The following MLLT3 variants were observed in gnomAD, a reference collection of about 807,000 sequenced individuals.
MLLT3 encodes the protein MLLT3 super elongation complex subunit.
In MLLT3, 4 loss-of-function variants were observed where a neutral mutation model predicts 53.2. The ratio of observed to expected loss-of-function variants is 0.08; its 90% CI spans 0.04 to 0.17. MLLT3 has a LOEUF of 0.17. MLLT3 is among the 10% of genes least tolerant of loss of function. The pLI, the probability that MLLT3 is intolerant of heterozygous loss-of-function variation, is 1.00. For synonymous variants in MLLT3, 283 were observed against 230.6 expected (o/e 1.23, Z -2.06); for missense variants, 569 against 684.0 (o/e 0.83, Z 1.87).
At chr9:20,382,870 G>A (rs1171254098) in intron 5 of MLLT3, among the ~76,000 whole-genome samples, 1 of 151,006 alleles carries the variant, frequency 6.6e-6, no homozygotes. Flanking sequence ...ACTATGTAAA[G>A]ATTGCAGGAT....
At chr9:20,431,147 A>C (rs1209969809) in intron 4 of MLLT3, among the ~76,000 whole-genome samples, 1 of 152,178 alleles carries the variant, frequency 6.6e-6, no homozygotes, top group Admixed American at 6.5e-5. Context: ...AAATAAACCA[A>C]GGCTAAATAG....
intron 2 of MLLT3, among the ~76,000 whole-genome samples, chr9:20,509,867 T>C (rs1825483139): frequency 3.0e-5 from 4 of 131,952 alleles, no homozygotes; most frequent in Non-Finnish European, 6.5e-5. Context: ...CAGGGTACAA[T>C]TATTATTTTT....
chr9:20,443,094 A>AAAGG (rs929583953), intron 4 of MLLT3, among the ~76,000 whole-genome samples: 2 of 151,946 alleles, frequency 1.3e-5, no homozygotes, highest in African/African-American at 2.4e-5. Context: ...TTAATTGAGG[A>AAAGG]AAGGAAGGAA....
rs187458206 is a variant in MLLT3, at chr9:20,385,286, T to C, written c.1126-19542A>G. Among the ~76,000 whole-genome samples, 148 of 152,154 alleles carry C rather than the reference T, an allele frequency of 9.7e-4. 1 individual carries two copies. Among genetic ancestry groups the C allele is most frequent in the Admixed American group, 2.4e-3 (37 of 15,272 alleles). ...AAACTTTGTGTGACAGTAGTATTAT[T>C]TGAAAGAGAAGGGGCTACGGAAAGA... is the stretch of plus-strand genomic sequence containing the variant. On this transcript the variant is annotated intron_variant, in intron 5 of 10. Coordinates refer to ENST00000380338, the MANE Select transcript of MLLT3 (RefSeq NM_004529.4).
intron 2 of MLLT3, among the ~76,000 whole-genome samples, chr9:20,547,401 TG>T (rs1185945770): frequency 1.3e-5 from 2 of 151,894 alleles, no homozygotes; most frequent in Non-Finnish European, 2.9e-5. Context: ...CCCAGCACTC[TG>T]GGAGGCCGAG....
intron 2 of MLLT3, among the ~76,000 whole-genome samples, chr9:20,537,572 C>G (rs1818520021): frequency 6.6e-6 from 1 of 152,236 alleles, no homozygotes; most frequent in South Asian, 2.1e-4. Context: ...GGAGTCCTGC[C>G]AATTCACATG....
At chr9:20,423,197 T>C (rs1823056873) in intron 4 of MLLT3, among the ~76,000 whole-genome samples, 1 of 152,080 alleles carries the variant, frequency 6.6e-6, no homozygotes, top group African/African-American at 2.4e-5. Context: ...CCACTATATT[T>C]TTATAGTCTT....
chr9:20,375,597 TTTTTTTTCTTTTC>T (rs763502169), intron 5 of MLLT3, among the ~76,000 whole-genome samples: 9,320 of 139,732 alleles, frequency 0.067, 743 homozygotes, highest in African/African-American at 0.23. Context: ...AGTAATTTTT[TTTTTTTTCTTTTC>T]TTTTTTTTTT....
At chr9:20,537,176 C>G (rs1317834353) in intron 2 of MLLT3, among the ~76,000 whole-genome samples, 1 of 152,030 alleles carries the variant, frequency 6.6e-6, no homozygotes, top group Non-Finnish European at 1.5e-5. Flanking sequence ...ATTATACATT[C>G]TGAAATAGGT....
At chr9:20,527,658 T>G (rs1205695396) in intron 2 of MLLT3, among the ~76,000 whole-genome samples, 1 of 152,202 alleles carries the variant, frequency 6.6e-6, no homozygotes, top group Non-Finnish European at 1.5e-5. Context: ...TGGTAGCTCC[T>G]GGGAACTGAA....
At chr9:20,379,864 A>G (rs527383495) in intron 5 of MLLT3, among the ~76,000 whole-genome samples, 1 of 152,178 alleles carries the variant, frequency 6.6e-6, no homozygotes, top group South Asian at 2.1e-4. Context: ...GACTCCTACT[A>G]GCAAAAGCAG....
chr9:20,519,698 C>G (rs944124559), intron 2 of MLLT3, among the ~76,000 whole-genome samples: 1 of 152,150 alleles, frequency 6.6e-6, no homozygotes, highest in African/African-American at 2.4e-5. Context: ...CAAAAAATAA[C>G]AGATGCTGGC....
At chr9:20,604,475 G>C (rs942790110) in intron 2 of MLLT3, among the ~76,000 whole-genome samples, 3 of 152,004 alleles carry the variant, frequency 2.0e-5, no homozygotes, top group Non-Finnish European at 4.4e-5. Context: ...CAAAAATGTT[G>C]AGATTTGTTA....
At chr9:20,352,596 G>C (rs1035240826) in intron 10 of MLLT3, among the ~76,000 whole-genome samples, 5 of 151,684 alleles carry the variant, frequency 3.3e-5, no homozygotes, top group African/African-American at 1.2e-4. Context: ...ATTCTACAAG[G>C]GTTAAAAAGC....
chr9:20,598,376 C>T (rs1205872546), intron 2 of MLLT3, among the ~76,000 whole-genome samples: 2 of 152,150 alleles, frequency 1.3e-5, no homozygotes, highest in African/African-American at 4.8e-5. Flanking sequence ...CCCCTTCGCC[C>T]CACATATGAG....
At chr9:20,612,328 C>G (rs540500633) in intron 2 of MLLT3, among the ~76,000 whole-genome samples, 1 of 152,112 alleles carries the variant, frequency 6.6e-6, no homozygotes, top group Non-Finnish European at 1.5e-5. Context: ...ACACTGAAGG[C>G]AGGGACCTCC....
intron 2 of MLLT3, among the ~76,000 whole-genome samples, chr9:20,490,900 G>A (rs1280903998): frequency 6.6e-6 from 1 of 152,076 alleles, no homozygotes; most frequent in East Asian, 1.9e-4. Flanking sequence ...AATGACTAGA[G>A]TGGTTTACTG....
chr9:20,484,881 A>C (rs1824767270), intron 2 of MLLT3, among the ~76,000 whole-genome samples: 1 of 152,264 alleles, frequency 6.6e-6, no homozygotes, highest in Non-Finnish European at 1.5e-5. Context: ...GAACGCAGTT[A>C]AATATTTTCA....
At chr9:20,375,209 G>A (rs1021052705) in intron 5 of MLLT3, among the ~76,000 whole-genome samples, 5 of 152,196 alleles carry the variant, frequency 3.3e-5, no homozygotes, top group African/African-American at 9.7e-5. Context: ...TTTTTCAGAT[G>A]ATAAAACTGA....
Sources: gnomAD v4.1 joint callset for allele counts (sites outside exome capture counted in the v4.1 genomes callset) on GRCh38, gnomAD v4.1.1 for gene constraint, MANE v1.5 for transcripts, NCBI Gene and HGNC (gene_info 2026-07-23, HGNC 2026-07-21) for gene names.